The following SUMF1 variants were observed in gnomAD, a reference collection of about 807,000 sequenced individuals.
The protein encoded by SUMF1 is sulfatase modifying factor 1, also known as formylglycine-generating enzyme.
In SUMF1, 48 loss-of-function variants were observed where a neutral mutation model predicts 47.6. That is an observed-to-expected ratio of 1.01 (90% CI 0.80 to 1.28). The LOEUF (loss-of-function observed/expected upper bound fraction) is 1.28, where lower values mean the gene tolerates loss of function less well. Among genes scored for constraint, SUMF1 ranks in the 50% most tolerant of loss-of-function variants. The probability of loss-of-function intolerance (pLI) is 0.00; values close to 1 mark genes in which losing one functional copy is unlikely to be tolerated. For synonymous variants in SUMF1, 230 were observed against 192.1 expected (o/e 1.20, Z -1.63); for missense variants, 571 against 485.4 (o/e 1.18, Z -1.66).
At chr3:4,253,740 C>T (rs1270422750) in intron 8 of SUMF1, among the ~76,000 whole-genome samples, 5 of 146,310 alleles carry the variant, frequency 3.4e-5, no homozygotes, top group Non-Finnish European at 7.5e-5. Context: ...CCAGGAAGCT[C>T]GAATTGGGTG....
At chr3:4,441,090 G>A (rs570863978) in intron 3 of SUMF1, among the ~76,000 whole-genome samples, 1 of 152,270 alleles carries the variant, frequency 6.6e-6, no homozygotes, top group South Asian at 2.1e-4. Flanking sequence ...ACAGCAGGAG[G>A]TGAGTGGCAG....
intron 9 of SUMF1, among the ~76,000 whole-genome samples, chr3:4,062,449 T>C (rs1695292859): frequency 6.6e-6 from 1 of 152,186 alleles, no homozygotes; most frequent in Admixed American, 6.5e-5. Flanking sequence ...TTATCAACTG[T>C]TGCTGCCAGA....
At chr3:4,264,862 A>T (rs1559630185) in intron 8 of SUMF1, among the ~76,000 whole-genome samples, 1 of 152,206 alleles carries the variant, frequency 6.6e-6, no homozygotes. Context: ...AGCCAGGAGC[A>T]GTGGCTCACG....
intron 8 of SUMF1, among the ~76,000 whole-genome samples, chr3:4,236,419 T>C (rs1022234438): frequency 6.6e-6 from 1 of 152,100 alleles, no homozygotes; most frequent in Non-Finnish European, 1.5e-5. Flanking sequence ...CTTTTTCTAA[T>C]GACTGGGCCA....
intron 8 of SUMF1, among the ~76,000 whole-genome samples, chr3:4,144,340 AG>A (rs895873385): frequency 2.0e-5 from 3 of 152,076 alleles, no homozygotes; most frequent in African/African-American, 7.2e-5. Context: ...ATGAGAAAAG[AG>A]GTGATAGAAA....
At chr3:4,262,469 CA>C (rs1394758638) in intron 8 of SUMF1, among the ~76,000 whole-genome samples, 1 of 151,952 alleles carries the variant, frequency 6.6e-6, no homozygotes, top group Non-Finnish European at 1.5e-5. Context: ...TAGACAAAAC[CA>C]AAAAATCCAT....
chr3:4,325,624 C>CACACACAT (rs1698928826), intron 8 of SUMF1, among the ~76,000 whole-genome samples: 1 of 151,864 alleles, frequency 6.6e-6, no homozygotes, highest in Non-Finnish European at 1.5e-5. Context: ...CACACACACA[C>CACACACAT]ACACACATAT....
intron 8 of SUMF1, among the ~76,000 whole-genome samples, chr3:4,240,012 T>C (rs1696501736): frequency 6.6e-6 from 1 of 152,180 alleles, no homozygotes; most frequent in South Asian, 2.1e-4. Context: ...CCTTTCTCCA[T>C]CTATTGAAAT....
chr3:4,088,582 T>G (rs1323570877), intron 8 of SUMF1, among the ~76,000 whole-genome samples: 1 of 152,136 alleles, frequency 6.6e-6, no homozygotes, highest in Non-Finnish European at 1.5e-5. Context: ...CATTTTAAAT[T>G]TCATTTATTC....
intron 8 of SUMF1, among the ~76,000 whole-genome samples, chr3:4,327,054 AG>A: frequency 6.6e-6 from 1 of 152,322 alleles, no homozygotes; most frequent in East Asian, 1.9e-4. Flanking sequence ...GGTAGAGAAA[AG>A]GAAATATGCT....
At position 4,061,992 on chromosome 3, in the gene SUMF1, C is replaced by T. The variant is rs140733903; in HGVS notation, c.1191+6577G>A. ...TGTCCCACTGGACAGTTCATTTACA[C>T]TCAGACTCGTTTCTGTATTTACCTC... On this transcript the variant is annotated intron_variant and NMD_transcript_variant, in intron 9 of 12. Transcript: ENST00000448413. Among the ~76,000 whole-genome samples the T allele has an allele frequency of 3.7e-3, 566 of 152,196 alleles. 4 individuals carry two copies. The highest frequency in any genetic ancestry group is 0.012 in the African/African-American group (510 of 41,540).
At chr3:4,134,957 C>A (rs938729271) in intron 8 of SUMF1, among the ~76,000 whole-genome samples, 4 of 152,186 alleles carry the variant, frequency 2.6e-5, no homozygotes, top group East Asian at 1.9e-4. Flanking sequence ...CAATAACAGG[C>A]TCTGAAATTG....
intron 8 of SUMF1, among the ~76,000 whole-genome samples, chr3:4,291,098 A>G (rs1183426737): frequency 6.6e-6 from 1 of 152,172 alleles, no homozygotes; most frequent in Non-Finnish European, 1.5e-5. Flanking sequence ...AATGTCGGGC[A>G]CATAGTATGT....
intron 4 of SUMF1, among the ~76,000 whole-genome samples, chr3:4,418,483 G>T (rs1575198322): frequency 6.6e-6 from 1 of 152,340 alleles, no homozygotes; most frequent in African/African-American, 2.4e-5. Context: ...CAGCAGAGCT[G>T]ACAGCCATCT....
At chr3:4,192,241 G>C (rs10514654) in intron 8 of SUMF1, among the ~76,000 whole-genome samples, 3,995 of 152,118 alleles carry the variant, frequency 0.026, 271 homozygotes, top group East Asian at 0.18. Context: ...CTATGAAGAT[G>C]ATAAGAGCAT....
intron 8 of SUMF1, among the ~76,000 whole-genome samples, chr3:4,333,899 G>A (rs532965121): frequency 6.6e-6 from 1 of 152,022 alleles, no homozygotes; most frequent in South Asian, 2.1e-4. Flanking sequence ...AGGCTGGGGT[G>A]GGGGGACTGC....
At chr3:4,083,301 T>C (rs558376852) in intron 8 of SUMF1, among the ~76,000 whole-genome samples, 2 of 152,290 alleles carry the variant, frequency 1.3e-5, no homozygotes, top group Middle Eastern at 3.4e-3. Flanking sequence ...TAATACCCTG[T>C]CCTTTTTCCA....
chr3:4,226,352 C>G (rs1696175080), intron 8 of SUMF1, among the ~76,000 whole-genome samples: 1 of 146,534 alleles, frequency 6.8e-6, no homozygotes, highest in Admixed American at 7.1e-5. Context: ...TCACTGCAAC[C>G]TCTGCCTCCT....
intron 8 of SUMF1, among the ~76,000 whole-genome samples, chr3:4,335,964 A>AAAAAAAAAAAAAAAAAAAAC (rs1699140991): frequency 6.8e-6 from 1 of 146,714 alleles, no homozygotes; most frequent in African/African-American, 2.5e-5. Context: ...CCAACTCAAA[A>AAAAAAAAAAAAAAAAAAAAC]AAAAAAAAAA....
Sources: gnomAD v4.1 joint callset for allele counts (sites outside exome capture counted in the v4.1 genomes callset) on GRCh38, gnomAD v4.1.1 for gene constraint, MANE v1.5 for transcripts, NCBI Gene and HGNC (gene_info 2026-07-23, HGNC 2026-07-21) for gene names.